The following PDPR variants were observed in gnomAD, a reference collection of about 807,000 sequenced individuals.
PDPR encodes the protein pyruvate dehydrogenase phosphatase regulatory subunit, mitochondrial.
A neutral mutation model predicts 102.2 loss-of-function variants in PDPR; 50 were observed. The observed-to-expected ratio is 0.49, with a 90% CI of 0.39 to 0.62. The LOEUF (loss-of-function observed/expected upper bound fraction) is 0.62. PDPR is among the 20% of genes least tolerant of loss of function. PDPR has a pLI of 0.00. For missense variants in PDPR, 625 were observed against 1,098.2 expected, an observed-to-expected ratio of 0.57 and a Z score of 6.09; for synonymous variants, 259 against 406.0, an observed-to-expected ratio of 0.64 and a Z score of 4.35.
intron 17 of PDPR, among the ~76,000 whole-genome samples, chr16:70,152,643 A>G (rs951554995): frequency 1.2e-4 from 19 of 152,292 alleles, no homozygotes; most frequent in Non-Finnish European, 2.6e-4. Context: ...GTACCACTGA[A>G]GCTGGTTCTT....
At chr16:70,118,032 G>A (rs1463438464) in intron 2 of PDPR, among the ~76,000 whole-genome samples, 1 of 151,318 alleles carries the variant, frequency 6.6e-6, no homozygotes, top group East Asian at 1.9e-4. Context: ...TGCAGAGGTT[G>A]CAGTGAGCCG....
intron 3 of PDPR, 74 bp downstream of exon 3, chr16:70,120,793 A>G (rs1963165912): frequency 6.2e-6 from 6 of 962,112 alleles, no homozygotes; most frequent in Non-Finnish European, 8.3e-6. Context: ...TTTCAGAGAT[A>G]CTGCCCCACC....
At chr16:70,148,730 T>G (rs1204615713) in intron 17 of PDPR, 177 bp downstream of exon 17, 2 of 635,902 alleles carry the variant, frequency 3.1e-6, no homozygotes, top group African/African-American at 3.7e-5. Context: ...ATTGAAGAGA[T>G]TTGACCATTT....
rs1385085931 is a variant in PDPR at position 70,159,407 on chromosome 16, G to C, written c.*2528G>C. 9 of 152,662 alleles carry C rather than the reference G, an allele frequency of 5.9e-5. No homozygotes were observed. The highest frequency in any genetic ancestry group is 1.3e-4 in the Admixed American group (2 of 15,300). 9.5% of individuals were successfully genotyped at this position (152,662 alleles called of 1,614,324 possible). A position where few individuals can be genotyped will look rare whatever the true frequency, so the allele number is the denominator to read the frequency against. On this transcript the variant is annotated 3_prime_UTR_variant, in exon 19 of 19. Transcript: ENST00000288050. ...ATTGAAACCCCTTGTCCATGAATAG[G>C]GTCATACTCCTAAGACTGATGGGGT...
intron 18 of PDPR, 197 bp from the exon 19 acceptor site, chr16:70,156,278 A>G (rs966890127): frequency 2.5e-5 from 16 of 643,934 alleles, no homozygotes; most frequent in Non-Finnish European, 3.6e-5. Flanking sequence ...TACAAAAATT[A>G]CCGCGGCGTC....
intron 17 of PDPR, among the ~76,000 whole-genome samples, chr16:70,151,962 C>A (rs1396765494): frequency 6.6e-6 from 1 of 152,282 alleles, no homozygotes; most frequent in Non-Finnish European, 1.5e-5. Flanking sequence ...ATTTTCCCAG[C>A]ATTAGTCACG....
At position 70,156,544 on chromosome 16, in the gene PDPR, A is replaced by G. The variant is rs776831780; in HGVS notation, c.2305A>G (p.Met769Val). 1.2e-5 allele frequency: 20 copies of G among 1,613,938 alleles called. No homozygotes were observed. Among genetic ancestry groups the G allele is most frequent in the African/African-American group, 8.0e-5 (6 of 74,950 alleles). Residue 769 changes from methionine (M) to valine (V), a missense_variant, in exon 19 of 19, where the codon ATG (methionine) becomes GTG (valine). Physicochemically the swap from Met to Val is conservative, Grantham distance 21. This residue lies in a region of PDPR where 303 missense variants were observed against 258.9 expected (regional missense o/e 1.17). Transcript: ENST00000288050. ...KQNGVYKRLT[M>V]FILDDHDSDL... is the part of the protein sequence containing the mutation. ...GAATGGAGTGTATAAACGCCTCACC[A>G]TGTTCATCCTGGACGACCATGATTC... is the stretch of plus-strand genomic sequence containing the variant.
chr16:70,134,233 T>G (rs192589859), intron 9 of PDPR, among the ~76,000 whole-genome samples: 4 of 152,246 alleles, frequency 2.6e-5, no homozygotes, highest in African/African-American at 7.2e-5. Flanking sequence ...ATGTATCCAT[T>G]CATTCATTTT....
At chr16:70,144,698 T>C (rs1966068821) in intron 15 of PDPR, among the ~76,000 whole-genome samples, 165 bp downstream of exon 15, 1 of 152,394 alleles carries the variant, frequency 6.6e-6, no homozygotes, top group African/African-American at 2.4e-5. Context: ...GGCTGACACC[T>C]GTAATCCCAG....
intron 9 of PDPR, among the ~76,000 whole-genome samples, chr16:70,133,680 A>T (rs1242296555): frequency 2.0e-5 from 3 of 152,100 alleles, no homozygotes; most frequent in Non-Finnish European, 4.4e-5. Context: ...GGTCTCCCAA[A>T]GTGCTGGGAG....
chr16:70,124,792 T>C (rs1183571741), intron 3 of PDPR, among the ~76,000 whole-genome samples: 11 of 152,218 alleles, frequency 7.2e-5, no homozygotes, highest in Admixed American at 7.2e-4. Flanking sequence ...GAGCTGACAA[T>C]CTTATGTGGA....
At chr16:70,142,113 A>C (rs1304981367) in intron 11 of PDPR, 121 bp from the exon 12 acceptor site, 1 of 1,230,686 alleles carries the variant, frequency 8.1e-7, no homozygotes, top group East Asian at 2.5e-5. Context: ...AAAAAAAAAA[A>C]AACTACGTTA....
At chr16:70,127,479 C>T (rs1349747375) in intron 4 of PDPR, 86 bp downstream of exon 4, 5 of 1,566,854 alleles carry the variant, frequency 3.2e-6, no homozygotes, top group Non-Finnish European at 4.3e-6. Flanking sequence ...CCAGGTGTGC[C>T]TGCTGCTTTG....
intron 18 of PDPR, among the ~76,000 whole-genome samples, chr16:70,155,200 A>C (rs1405897828): frequency 6.6e-6 from 1 of 152,268 alleles, no homozygotes; most frequent in Non-Finnish European, 1.5e-5. Context: ...TCCAAAAAAA[A>C]AAAAGGTAAT....
chr16:70,125,389 AAC>A lies in PDPR; in HGVS notation c.228-1869_228-1868del, dbSNP rs1256609618. Among the ~76,000 whole-genome samples the A allele has an allele frequency of 5.1e-5, 7 of 138,446 alleles. No homozygotes were observed. In the East Asian group the frequency reaches 1.1e-3, roughly 21 times the overall value. The allele number at this position is 138,446 out of a possible 152,430, so 90.8% of individuals were successfully genotyped here. On this transcript the variant is annotated intron_variant, in intron 3 of 18. Transcript: ENST00000288050. Reference sequence around the variant, plus strand: ...AACTCCGTCTCTAAAAAAACAAACAAACAAAAAAACAAAAATTAGCTGGGCAT... The same window carrying A: ...AACTCCGTCTCTAAAAAAACAAACAAAAAAAAACAAAAATTAGCTGGGCAT...
rs758873559 is a variant in PDPR, at chr16:70,156,504, C to T, written c.2265C>T (p.Leu755=). ...TGGATTTCATTGGTCGCGACGCCCTCCTGCAGCAGAAGCAGAATGGAGTGT... is the reference window on the plus strand; with the variant it reads ...TGGATTTCATTGGTCGCGACGCCCTTCTGCAGCAGAAGCAGAATGGAGTGT... ...KGMDFIGRDA[L]LQQKQNGVYK... Residue 755 remains leucine, a synonymous_variant, in exon 19 of 19, where the codon CTC becomes CTT. Transcript: ENST00000288050. The T allele has an allele frequency of 1.2e-6, 2 of 1,613,860 alleles. No individual in the cohort carries two copies. The highest frequency in any genetic ancestry group is 2.7e-5 in the African/African-American group (2 of 74,952).
rs1967328440 is a variant in PDPR at position 70,157,302 on chromosome 16, A to G, written c.*423A>G. ...TTCCATTTTCTTGGAGCAGCCTATT[A>G]GTTCTGGTGGGGTTGCCGTGTGTCG... On this transcript the variant is annotated 3_prime_UTR_variant, in exon 19 of 19. Coordinates refer to ENST00000288050, the MANE Select transcript of PDPR (RefSeq NM_017990.5). 9 of 426,636 alleles carry G rather than the reference A, an allele frequency of 2.1e-5. No individual in the cohort carries two copies. Among genetic ancestry groups the G allele is most frequent in the South Asian group, 1.4e-4 (8 of 57,110 alleles). 26.4% of individuals were successfully genotyped at this position (426,636 alleles called of 1,614,324 possible).
Position 70,148,698 on chromosome 16 carries a change from C to G in PDPR, c.2052+145C>G, listed in dbSNP as rs1181633298. The G allele has an allele frequency of 1.9e-5, 14 of 719,666 alleles. No homozygotes were observed. In the East Asian group the frequency reaches 3.6e-4, roughly 18 times the overall value. The allele number at this position is 719,666 out of a possible 1,614,324, so 44.6% of individuals were successfully genotyped here. A position where few individuals can be genotyped will look rare whatever the true frequency, so the allele number is the denominator to read the frequency against. ...TTTGGAGAGCTGTATCTGATTGGGC[C>G]TTGGGAGCTGAGGTAGGCTGCATTG... is the stretch of plus-strand genomic sequence containing the variant. On this transcript the variant is annotated intron_variant, in intron 17 of 18. Transcript: ENST00000288050.
intron 3 of PDPR, among the ~76,000 whole-genome samples, chr16:70,125,113 A>C (rs1464026525): frequency 6.6e-6 from 1 of 152,232 alleles, no homozygotes. Flanking sequence ...GCAGTGGCTT[A>C]TGCCGGTAAT....
Sources: allele counts gnomAD v4.1 joint callset (sites outside exome capture counted in the v4.1 genomes callset), GRCh38; gene constraint gnomAD v4.1.1; regional missense constraint gnomAD v4.1.1; transcripts MANE v1.5; gene names NCBI Gene and HGNC (gene_info 2026-07-23, HGNC 2026-07-21).